Variants in HIPK2 observed in about 807,000 individuals in gnomAD.
The protein encoded by HIPK2 is homeodomain interacting protein kinase 2, also known as homeodomain-interacting protein kinase 2.
In HIPK2, 27 loss-of-function variants were observed where a neutral mutation model predicts 113.7. The ratio of observed to expected loss-of-function variants is 0.24; its 90% CI spans 0.17 to 0.33. HIPK2 has a LOEUF of 0.33. Ranked by LOEUF, HIPK2 falls within the 10% of genes least tolerant of loss-of-function variation. The pLI is 1.00. For missense variants in HIPK2, 1,257 were observed against 1,588.0 expected, an observed-to-expected ratio of 0.79 and a Z score of 3.54; for synonymous variants, 631 against 642.2, an observed-to-expected ratio of 0.98 and a Z score of 0.26.
chr7:139,617,186 A>G (rs368935635), intron 7 of HIPK2, among the ~76,000 whole-genome samples: 1 of 152,242 alleles, frequency 6.6e-6, no homozygotes, highest in Admixed American at 6.5e-5. Flanking sequence ...CACACAGAGA[A>G]CTGGGAAGAG....
At chr7:139,724,612 T>C (rs1284807894) in intron 1 of HIPK2, among the ~76,000 whole-genome samples, 1 of 151,812 alleles carries the variant, frequency 6.6e-6, no homozygotes, top group Non-Finnish European at 1.5e-5. Flanking sequence ...ACATGTGCCA[T>C]GCTGGTGTGC....
chr7:139,699,574 T>G (rs1367444816), intron 2 of HIPK2, among the ~76,000 whole-genome samples: 4 of 152,168 alleles, frequency 2.6e-5, no homozygotes, highest in African/African-American at 9.7e-5. Context: ...AGGTACACCC[T>G]GCTATCAGGA....
chr7:139,766,492 A>G (rs1796555139), intron 1 of HIPK2, among the ~76,000 whole-genome samples: 1 of 152,188 alleles, frequency 6.6e-6, no homozygotes, highest in Non-Finnish European at 1.5e-5. Context: ...GACAAATGGA[A>G]CAAGAGTGTC....
In HIPK2 at chr7:139,571,200, T is replaced by TG. The variant is rs1328496990; in HGVS notation, c.*1726dup. 6.6e-6 allele frequency: 1 copy of TG among 152,282 alleles called. No individual in the cohort carries two copies. The highest frequency in any genetic ancestry group is 1.5e-5 in the Non-Finnish European group (1 of 68,108). The allele number at this position is 152,282 out of a possible 1,614,324, so 9.4% of individuals were successfully genotyped here. A position where few individuals can be genotyped will look rare whatever the true frequency, so the allele number is the denominator to read the frequency against. ...AGAGAATTCAACAGCAAACAGAGGT[T>TG]GGTGGTTGTCTACAGAGGGAGGGAT... On this transcript the variant is annotated 3_prime_UTR_variant, in exon 15 of 15. Transcript: ENST00000406875.
At chr7:139,604,402 C>A (rs971856125) in intron 9 of HIPK2, 179 bp from the exon 10 acceptor site, 1 of 384,086 alleles carries the variant, frequency 2.6e-6, no homozygotes, top group Non-Finnish European at 3.6e-6. Context: ...AACATACAGG[C>A]CGGGTGCAGT....
chr7:139,647,196 G>C (rs1319005737), intron 2 of HIPK2, among the ~76,000 whole-genome samples: 1 of 151,128 alleles, frequency 6.6e-6, no homozygotes, highest in Non-Finnish European at 1.5e-5. Context: ...CATGGCCTGT[G>C]CATGACTGAT....
At chr7:139,624,070 T>A (rs10234737) in intron 6 of HIPK2, among the ~76,000 whole-genome samples, 27,443 of 151,300 alleles carry the variant, frequency 0.18, 3,635 homozygotes, top group African/African-American at 0.38. Flanking sequence ...TCGCCCAGGC[T>A]GGAGTGCAGT....
intron 1 of HIPK2, among the ~76,000 whole-genome samples, chr7:139,759,002 A>G (rs978889645): frequency 1.3e-5 from 2 of 152,172 alleles, no homozygotes; most frequent in African/African-American, 4.8e-5. Context: ...GCAAACCACC[A>G]CCACTAAGTA....
intron 12 of HIPK2, among the ~76,000 whole-genome samples, chr7:139,594,414 T>A (rs980994810): frequency 2.6e-5 from 4 of 152,208 alleles, no homozygotes; most frequent in Admixed American, 6.5e-5. Context: ...TTAAATTTTA[T>A]GATAATTCTG....
At chr7:139,633,416 G>T (rs1369077736) in intron 2 of HIPK2, among the ~76,000 whole-genome samples, 2 of 152,066 alleles carry the variant, frequency 1.3e-5, no homozygotes, top group South Asian at 2.1e-4. Context: ...CTTTAAATTT[G>T]TTCTCATTGC....
intron 12 of HIPK2, among the ~76,000 whole-genome samples, chr7:139,588,912 G>A (rs1440223083): frequency 6.6e-6 from 1 of 152,260 alleles, no homozygotes; most frequent in African/African-American, 2.4e-5. Flanking sequence ...CCGAGGGGAG[G>A]TGAGGAGATG....
Position 139,596,940 on chromosome 7 carries a change from T to C in HIPK2, c.2494A>G (p.Lys832Glu). ...GGAGGTGTGTTCTCCTTGACACGCTTGGATCGCTGTGGGGAGCTGATGGCC... is the reference window on the plus strand; with the variant it reads ...GGAGGTGTGTTCTCCTTGACACGCTCGGATCGCTGTGGGGAGCTGATGGCC... Reference protein sequence around the residue: ...SQAISSPQRSKRVKENTPPRC... With the variant: ...SQAISSPQRSERVKENTPPRC... The change falls in exon 12 of 15, where the codon AAG becomes GAG. Residue 832 changes from lysine to glutamate, a missense_variant. Coordinates refer to ENST00000406875, the MANE Select transcript of HIPK2 (RefSeq NM_022740.5). 1 of 1,611,442 alleles carries C rather than the reference T, an allele frequency of 6.2e-7. No homozygotes were observed.
chr7:139,731,487 C>T (rs1795780683), intron 1 of HIPK2, among the ~76,000 whole-genome samples: 2 of 152,212 alleles, frequency 1.3e-5, no homozygotes, highest in Admixed American at 6.5e-5. Context: ...TTCCTCAAAC[C>T]TGCCTTTTCT....
At chr7:139,671,418 C>G (rs998587603) in intron 2 of HIPK2, among the ~76,000 whole-genome samples, 1 of 152,164 alleles carries the variant, frequency 6.6e-6, no homozygotes, top group Admixed American at 6.5e-5. Flanking sequence ...ATTGTAATTG[C>G]CCTGCACCTA....
chr7:139,631,410 A>C lies in HIPK2; in HGVS notation c.1228-126T>G. On this transcript the variant is annotated intron_variant, in intron 3 of 14. Transcript: ENST00000406875. This position sits in a 1 kb window ranked among gnomAD's most constrained non-coding sequence, Gnocchi z 4.9. Reference sequence around the variant, plus strand: ...TTTGTAGGGAAAGAAGTTAACAAAAAAGAGAAAAAAGAAAAAGGGAAAAGA... The same window carrying C: ...TTTGTAGGGAAAGAAGTTAACAAAACAGAGAAAAAAGAAAAAGGGAAAAGA... The C allele has an allele frequency of 6.9e-7, 1 of 1,443,222 alleles. No homozygotes were observed. Among genetic ancestry groups the C allele is most frequent in the Non-Finnish European group, 9.2e-7 (1 of 1,088,130 alleles). 89.4% of individuals were successfully genotyped at this position (1,443,222 alleles called of 1,614,324 possible).
intron 1 of HIPK2, among the ~76,000 whole-genome samples, chr7:139,772,095 G>A (rs146258648): frequency 2.0e-5 from 3 of 152,332 alleles, no homozygotes; most frequent in African/African-American, 7.2e-5. Context: ...TCTGTGTCAA[G>A]GTCTTCTGCT....
At chr7:139,756,560 G>A (rs542637369) in intron 1 of HIPK2, among the ~76,000 whole-genome samples, 1 of 152,284 alleles carries the variant, frequency 6.6e-6, no homozygotes, top group South Asian at 2.1e-4. Flanking sequence ...AAGCAGCTGG[G>A]ACTACAGGCG....
chr7:139,702,760 G>A (rs1794749153), intron 2 of HIPK2, among the ~76,000 whole-genome samples: 1 of 152,180 alleles, frequency 6.6e-6, no homozygotes, highest in African/African-American at 2.4e-5. Flanking sequence ...ACGGAGGCTG[G>A]ATCAACAACC....
Position 139,573,342 on chromosome 7 carries a change from T to C in HIPK2, c.3182A>G (p.Tyr1061Cys), listed in dbSNP as rs753307032. ...RTGSHRRQQAYITPTMAQAPY... is the reference protein window; with the variant it reads ...RTGSHRRQQACITPTMAQAPY... The stretch of plus-strand genomic sequence containing the variant: ...AGCCTGGGCCATGGTGGGAGTGATG[T>C]AGGCCTGCTGCCTTCGGTGGCTCCC... The change falls in exon 15 of 15, where the codon TAC (tyrosine) becomes TGC (cysteine). Residue 1061 changes from tyrosine (Y) to cysteine (C), a missense_variant. This residue lies in a region of HIPK2 where 862 missense variants were observed against 1,004.3 expected (regional missense o/e 0.86). Coordinates refer to ENST00000406875, the MANE Select transcript of HIPK2 (RefSeq NM_022740.5). 2 of 1,605,738 alleles carry C rather than the reference T, an allele frequency of 1.2e-6. No individual in the cohort carries two copies. Among genetic ancestry groups the C allele is most frequent in the East Asian group, 2.2e-5 (1 of 44,846 alleles).
Sources: gnomAD v4.1 joint callset for allele counts (sites outside exome capture counted in the v4.1 genomes callset) on GRCh38, gnomAD v4.1.1 for gene constraint, gnomAD v4.1.1 regional missense constraint, Gnocchi (gnomAD v3.1) non-coding constraint, MANE v1.5 for transcripts, NCBI Gene and HGNC (gene_info 2026-07-23, HGNC 2026-07-21) for gene names.